The following TBCK variants were observed in gnomAD, a reference collection of about 807,000 sequenced individuals.
TBCK encodes the protein TBC domain-containing protein kinase-like protein.
A neutral mutation model predicts 113.4 loss-of-function variants in TBCK; 99 were observed. The ratio of observed to expected loss-of-function variants is 0.87; its 90% CI spans 0.74 to 1.03. TBCK has a LOEUF of 1.03. Among genes scored for constraint, TBCK ranks in the 50% least tolerant of loss-of-function variants. The probability of loss-of-function intolerance (pLI) is 0.00; values close to 1 mark genes in which losing one functional copy is unlikely to be tolerated. For synonymous variants in TBCK, 369 were observed against 370.8 expected, an observed-to-expected ratio of 1.00 and a Z score of 0.05; for missense variants, 1,045 against 1,061.3, an observed-to-expected ratio of 0.98 and a Z score of 0.21.
At chr4:106,078,342 C>T (rs1282240733) in intron 25 of TBCK, among the ~76,000 whole-genome samples, 1 of 151,970 alleles carries the variant, frequency 6.6e-6, no homozygotes, top group African/African-American at 2.4e-5. Context: ...ATCAATGCCC[C>T]CAAAAGTTGG....
At chr4:106,121,006 T>A (rs1188733832) in intron 23 of TBCK, among the ~76,000 whole-genome samples, 3 of 152,164 alleles carry the variant, frequency 2.0e-5, no homozygotes, top group African/African-American at 7.2e-5. Context: ...CTTCAGACGA[T>A]CAAATTACTC....
intron 18 of TBCK, among the ~76,000 whole-genome samples, chr4:106,230,903 G>C (rs868182212): frequency 6.6e-6 from 1 of 151,764 alleles, no homozygotes; most frequent in Non-Finnish European, 1.5e-5. Context: ...AGTGATCATT[G>C]GCTATGCCTA....
intron 5 of TBCK, among the ~76,000 whole-genome samples, chr4:106,256,594 T>A (rs1412221164): frequency 6.6e-6 from 1 of 152,198 alleles, no homozygotes; most frequent in African/African-American, 2.4e-5. Flanking sequence ...GCAGGGCTCC[T>A]GCCTGCTTCC....
chr4:106,133,145 G>A (rs2149627394), intron 23 of TBCK, among the ~76,000 whole-genome samples: 1 of 152,244 alleles, frequency 6.6e-6, no homozygotes, highest in East Asian at 1.9e-4. Context: ...GTTTGGCTGT[G>A]TCCCCACCCA....
chr4:106,048,422 A>C (rs951923821), intron 25 of TBCK, among the ~76,000 whole-genome samples: 1 of 152,068 alleles, frequency 6.6e-6, no homozygotes, highest in African/African-American at 2.4e-5. Flanking sequence ...ATAGTAACTA[A>C]TGTTGAAGAG....
At chr4:106,182,575 T>G (rs956578393) in intron 22 of TBCK, 1 of 152,172 alleles carries the variant, frequency 6.6e-6, no homozygotes, top group Non-Finnish European at 1.5e-5. Flanking sequence ...GTTTTTAGCA[T>G]GAAAGGCTGT....
chr4:106,076,861 G>A (rs1560611608), intron 25 of TBCK, among the ~76,000 whole-genome samples: 1 of 152,130 alleles, frequency 6.6e-6, no homozygotes. Context: ...CTAGCATTTT[G>A]GGAGGCTGAG....
chr4:106,229,153 A>T (rs1244148649), intron 19 of TBCK, among the ~76,000 whole-genome samples: 1 of 151,904 alleles, frequency 6.6e-6, no homozygotes, highest in Non-Finnish European at 1.5e-5. Context: ...TTAATCTCTT[A>T]TCAGGTGGGT....
At chr4:106,113,448 C>A (rs942042528) in intron 24 of TBCK, among the ~76,000 whole-genome samples, 3 of 152,246 alleles carry the variant, frequency 2.0e-5, no homozygotes, top group African/African-American at 7.2e-5. Context: ...AGACATAAAA[C>A]CTGCAGTTTT....
At chr4:106,222,350 A>G (rs910602709) in intron 19 of TBCK, among the ~76,000 whole-genome samples, 2 of 152,112 alleles carry the variant, frequency 1.3e-5, no homozygotes, top group Admixed American at 6.6e-5. Context: ...CAATAAATTT[A>G]TTGTAAGAAT....
At chr4:106,226,054 C>T (rs1758212182) in intron 19 of TBCK, among the ~76,000 whole-genome samples, 1 of 152,010 alleles carries the variant, frequency 6.6e-6, no homozygotes, top group Non-Finnish European at 1.5e-5. Context: ...GTCTCAGCTA[C>T]TCAGGAGGCT....
rs554636414 is a variant in TBCK at position 106,166,772 on chromosome 4, T to A, written c.2235+4323A>T. On this transcript the variant is annotated intron_variant, in intron 23 of 25. Transcript: ENST00000394708. ...TCAGGAATGTAATGACCATTAAATA[T>A]AAGAAACTGTAATAATATAATACAT... is the stretch of plus-strand genomic sequence containing the variant. Among the ~76,000 whole-genome samples, 8 of 151,698 alleles carry A rather than the reference T, an allele frequency of 5.3e-5. No homozygotes were observed. In the East Asian group the frequency reaches 1.4e-3, roughly 26 times the overall value.
chr4:106,120,723 C>T (rs1560677157), intron 23 of TBCK, among the ~76,000 whole-genome samples: 1 of 152,178 alleles, frequency 6.6e-6, no homozygotes, highest in Non-Finnish European at 1.5e-5. Flanking sequence ...CCTCACACGG[C>T]AGGGTATTCT....
rs899799298 is a variant in TBCK, at chr4:106,041,665, C to T, written c.*4905G>A. 1.3e-5 allele frequency: 2 copies of T among 152,066 alleles called. No individual in the cohort carries two copies. Among genetic ancestry groups the T allele is most frequent in the African/African-American group, 4.8e-5 (2 of 41,396 alleles). 9.4% of individuals were successfully genotyped at this position (152,066 alleles called of 1,614,324 possible). ...ATAGAACAGTATTATTGAAATGCTG[C>T]AGACAATGCAAACTAATAATAGGTC... On this transcript the variant is annotated 3_prime_UTR_variant, in exon 26 of 26. Transcript: ENST00000394708.
chr4:106,070,326 G>T (rs193086060), intron 25 of TBCK, among the ~76,000 whole-genome samples: 1 of 152,272 alleles, frequency 6.6e-6, no homozygotes, highest in East Asian at 1.9e-4. Flanking sequence ...TCAATACCTA[G>T]TTTACTGAGA....
chr4:106,288,144 A>G (rs1765303344), intron 3 of TBCK, among the ~76,000 whole-genome samples: 1 of 151,762 alleles, frequency 6.6e-6, no homozygotes, highest in African/African-American at 2.4e-5. Context: ...ATGCAATCCC[A>G]GAACTCTGGG....
chr4:106,085,170 A>G lies in TBCK; in HGVS notation c.2571+10312T>C, dbSNP rs186379978. ...GACTGGCAAATTGGATAAGGAGTCA[A>G]GACCCATTGGTGTGCTGTATTCAGG... On this transcript the variant is annotated intron_variant, in intron 25 of 25. Coordinates refer to ENST00000394708, the MANE Select transcript of TBCK (RefSeq NM_001163435.3). Among the ~76,000 whole-genome samples the G allele has an allele frequency of 4.6e-5, 7 of 152,306 alleles. No homozygotes were observed. In the East Asian group the frequency reaches 1.2e-3, roughly 25 times the overall value.
At chr4:106,127,795 A>G (rs1041426808) in intron 23 of TBCK, among the ~76,000 whole-genome samples, 2 of 152,102 alleles carry the variant, frequency 1.3e-5, no homozygotes, top group African/African-American at 4.8e-5. Context: ...GCCAAGCACA[A>G]TTTTTTTCCA....
intron 1 of TBCK, among the ~76,000 whole-genome samples, chr4:106,310,873 T>A (rs1768128331): frequency 6.6e-6 from 1 of 151,982 alleles, no homozygotes; most frequent in Non-Finnish European, 1.5e-5. Flanking sequence ...AAACCAACTC[T>A]AACAAACATA....
Sources: gnomAD v4.1 joint callset for allele counts (sites outside exome capture counted in the v4.1 genomes callset) on GRCh38, gnomAD v4.1.1 for gene constraint, MANE v1.5 for transcripts, NCBI Gene and HGNC (gene_info 2026-07-23, HGNC 2026-07-21) for gene names.